Variants in DCDC2 observed in about 807,000 individuals in gnomAD.
DCDC2 encodes doublecortin domain-containing protein 2.
Under a neutral mutation model 50.2 loss-of-function variants are expected in DCDC2, and 40 were observed. The ratio of observed to expected loss-of-function variants is 0.80; its 90% CI spans 0.62 to 1.04. The LOEUF (loss-of-function observed/expected upper bound fraction) is 1.04, where lower values mean the gene tolerates loss of function less well. Ranked by LOEUF, DCDC2 falls within the 50% of genes least tolerant of loss-of-function variation. The pLI is 0.00. For missense variants in DCDC2, 570 were observed against 581.9 expected (o/e 0.98, Z 0.21); for synonymous variants, 234 against 210.6 (o/e 1.11, Z -0.96).
chr6:24,346,170 A>T (rs1260165622), intron 2 of DCDC2, among the ~76,000 whole-genome samples: 1 of 145,848 alleles, frequency 6.9e-6, no homozygotes, highest in Admixed American at 6.9e-5. Flanking sequence ...AAAAAAAAAA[A>T]TGTATTTACT....
intron 2 of DCDC2, among the ~76,000 whole-genome samples, chr6:24,336,257 AT>A (rs1471584873): frequency 6.6e-6 from 1 of 152,154 alleles, no homozygotes; most frequent in Non-Finnish European, 1.5e-5. Flanking sequence ...CCCACCAGAG[AT>A]TTTGAAGGAT....
chr6:24,263,796 G>A (rs1165125929), intron 7 of DCDC2, among the ~76,000 whole-genome samples: 1 of 152,096 alleles, frequency 6.6e-6, no homozygotes, highest in African/African-American at 2.4e-5. Context: ...GGGAGAGAGA[G>A]AAACAGGAGT....
chr6:24,377,422 C>T, the DCDC2 span, among the ~76,000 whole-genome samples: 1 of 152,106 alleles, frequency 6.6e-6, no homozygotes, highest in South Asian at 2.1e-4. Context: ...CATTCCAACC[C>T]ATTCATCAAA....
At chr6:24,296,158 C>A (rs1759233017) in intron 4 of DCDC2, among the ~76,000 whole-genome samples, 1 of 151,954 alleles carries the variant, frequency 6.6e-6, no homozygotes, top group South Asian at 2.1e-4. Context: ...AATAGAGACC[C>A]CAGAAATAAC....
intron 8 of DCDC2, among the ~76,000 whole-genome samples, chr6:24,197,711 C>G (rs1427375307): frequency 6.6e-6 from 1 of 152,168 alleles, no homozygotes; most frequent in Non-Finnish European, 1.5e-5. Flanking sequence ...AATTTCACTG[C>G]TGCACTGTTA....
chr6:24,280,582 G>T (rs1190126562), intron 6 of DCDC2, among the ~76,000 whole-genome samples: 1 of 151,900 alleles, frequency 6.6e-6, no homozygotes, highest in Non-Finnish European at 1.5e-5. Flanking sequence ...TGTCATCCAG[G>T]CTGGAGTAAA....
intron 7 of DCDC2, among the ~76,000 whole-genome samples, chr6:24,237,009 C>A (rs1290882954): frequency 1.5e-4 from 21 of 143,976 alleles, no homozygotes; most frequent in South Asian, 2.2e-4. Context: ...AGCTCTGACT[C>A]AAAAAAAAAA....
chr6:24,311,208 G>C (rs1759565010), intron 2 of DCDC2, among the ~76,000 whole-genome samples: 1 of 152,066 alleles, frequency 6.6e-6, no homozygotes, highest in African/African-American at 2.4e-5. Flanking sequence ...TTCTCCTATT[G>C]CCACATTTAC....
chr6:24,191,200 A>G (rs1195422222), intron 8 of DCDC2, among the ~76,000 whole-genome samples: 3 of 152,148 alleles, frequency 2.0e-5, no homozygotes, highest in African/African-American at 7.2e-5. Flanking sequence ...ATCTTTCCGC[A>G]TATTTTATCG....
At chr6:24,371,575 C>A in the DCDC2 span, among the ~76,000 whole-genome samples, 1 of 152,008 alleles carries the variant, frequency 6.6e-6, no homozygotes, top group Non-Finnish European at 1.5e-5. Context: ...TACTGCACTC[C>A]GGCCTGGGTG....
intron 2 of DCDC2, among the ~76,000 whole-genome samples, chr6:24,333,583 G>T (rs911175244): frequency 6.6e-6 from 1 of 152,018 alleles, no homozygotes; most frequent in African/African-American, 2.4e-5. Context: ...GATTTTCAAC[G>T]TACTGAAGAT....
At chr6:24,305,795 G>GGGC (rs1554117948) in intron 2 of DCDC2, among the ~76,000 whole-genome samples, 1 of 106,482 alleles carries the variant, frequency 9.4e-6, no homozygotes, top group African/African-American at 5.5e-5. Flanking sequence ...GGGAGGCCAA[G>GGGC]GGGGGGTGGA....
upstream of DCDC2, among the ~76,000 whole-genome samples, chr6:24,359,525 ATATATATTT>A (rs1760620503): frequency 9.6e-6 from 1 of 103,812 alleles, no homozygotes; most frequent in African/African-American, 3.9e-5. Context: ...TATATATTTT[ATATATATTT>A]TTTATATATT....
intron 6 of DCDC2, among the ~76,000 whole-genome samples, chr6:24,281,878 T>G (rs1159835753): frequency 6.6e-6 from 1 of 152,202 alleles, no homozygotes; most frequent in Non-Finnish European, 1.5e-5. Context: ...TATAGATAAG[T>G]ATTATTATCA....
intron 7 of DCDC2, among the ~76,000 whole-genome samples, chr6:24,250,020 T>C (rs1670227686): frequency 6.6e-6 from 1 of 152,228 alleles, no homozygotes; most frequent in Non-Finnish European, 1.5e-5. Flanking sequence ...GAGAGCAGTA[T>C]GAGCTTTCAG....
the DCDC2 span, among the ~76,000 whole-genome samples, chr6:24,367,607 G>A: frequency 1.3e-4 from 20 of 152,334 alleles, no homozygotes; most frequent in African/African-American, 3.8e-4. Flanking sequence ...TCTACAAAAT[G>A]TGAGGCAAAG....
At chr6:24,224,827 C>G (rs147792634) in intron 7 of DCDC2, among the ~76,000 whole-genome samples, 162 of 152,274 alleles carry the variant, frequency 1.1e-3, no homozygotes, top group Non-Finnish European at 1.7e-3. Flanking sequence ...ACTATACAGA[C>G]TGATTAACTC....
At chr6:24,201,290 C>G (rs1761581882) in intron 8 of DCDC2, among the ~76,000 whole-genome samples, 1 of 152,094 alleles carries the variant, frequency 6.6e-6, no homozygotes, top group African/African-American at 2.4e-5. Flanking sequence ...TAATGGAAAT[C>G]ATAATCAACA....
chr6:24,324,949 G>C (rs1403673958), intron 2 of DCDC2, among the ~76,000 whole-genome samples: 2 of 151,592 alleles, frequency 1.3e-5, no homozygotes, highest in African/African-American at 4.8e-5. Flanking sequence ...ATGACACTTT[G>C]GCATCTCAAA....
Sources: gnomAD v4.1 joint callset for allele counts (sites outside exome capture counted in the v4.1 genomes callset) on GRCh38, gnomAD v4.1.1 for gene constraint, MANE v1.5 for transcripts, NCBI Gene and HGNC (gene_info 2026-07-23, HGNC 2026-07-21) for gene names.